TRDMT1: variants seen among roughly 807,000 people sequenced by gnomAD.
TRDMT1 encodes tRNA (cytosine(38)-C(5))-methyltransferase.
In TRDMT1, 49 loss-of-function variants were observed where a neutral mutation model predicts 51.2. That is an observed-to-expected ratio of 0.96 (90% CI 0.76 to 1.21). The LOEUF is 1.21. Among genes scored for constraint, TRDMT1 ranks in the 50% most tolerant of loss-of-function variants. TRDMT1 has a pLI of 0.00. For missense variants in TRDMT1, 534 were observed against 462.3 expected, an observed-to-expected ratio of 1.16 and a Z score of -1.42; for synonymous variants, 187 against 164.6, an observed-to-expected ratio of 1.14 and a Z score of -1.04.
chr10:17,159,550 TA>T (rs1428777340), intron 6 of TRDMT1, among the ~76,000 whole-genome samples: 1 of 152,158 alleles, frequency 6.6e-6, no homozygotes, highest in Non-Finnish European at 1.5e-5. Context: ...ATTAATAATT[TA>T]AAAATTCAAA....
chr10:17,193,580 T>C (rs765890282), intron 1 of TRDMT1, among the ~76,000 whole-genome samples: 3 of 151,958 alleles, frequency 2.0e-5, no homozygotes, highest in Non-Finnish European at 4.4e-5. Context: ...CATATAAAAA[T>C]ACCTAGGAAT....
In TRDMT1 at chr10:17,145,373, GAT is replaced by G. The variant is rs1838019485; in HGVS notation, c.*3665_*3666del. On this transcript the variant is annotated 3_prime_UTR_variant, in exon 11 of 11. Coordinates refer to ENST00000377799, the MANE Select transcript of TRDMT1 (RefSeq NM_004412.7). ...CCAGAAAAGTGCTTGCTAAGAAGCT[GAT>G]ATGATAGTTGTATATAGCACATTTG... is the stretch of plus-strand genomic sequence containing the variant. 1 of 985,348 alleles carries G rather than the reference GAT, an allele frequency of 1.0e-6. No individual in the cohort carries two copies. The allele number at this position is 985,348 out of a possible 1,614,324, so 61.0% of individuals were successfully genotyped here.
chr10:17,150,464 A>G, intron 10 of TRDMT1: 2 of 985,372 alleles, frequency 2.0e-6, no homozygotes, highest in Non-Finnish European at 1.2e-6. Context: ...TCTTAAAACA[A>G]AAAGGCCCAT....
chr10:17,196,984 A>C (rs767703465), intron 1 of TRDMT1, among the ~76,000 whole-genome samples: 11 of 152,048 alleles, frequency 7.2e-5, no homozygotes, highest in African/African-American at 1.4e-4. Context: ...AGAACCCAGC[A>C]CTGTTGGTGT....
chr10:17,152,132 AAGC>A, intron 10 of TRDMT1: 8 of 1,260,544 alleles, frequency 6.3e-6, no homozygotes, highest in Non-Finnish European at 8.3e-6. Context: ...GTAGCTAGGA[AAGC>A]AGACTAGGAA....
intron 8 of TRDMT1, among the ~76,000 whole-genome samples, chr10:17,155,818 T>C (rs1839417989): frequency 6.6e-6 from 1 of 152,236 alleles, no homozygotes; most frequent in South Asian, 2.1e-4. Context: ...CACATATAAA[T>C]ACGTGTGTAT....
Position 17,143,872 on chromosome 10 carries a change from C to G in TRDMT1, c.*5168G>C, listed in dbSNP as rs1837884145. On this transcript the variant is annotated 3_prime_UTR_variant, in exon 11 of 11. Coordinates refer to ENST00000377799, the MANE Select transcript of TRDMT1 (RefSeq NM_004412.7). ...ATAAATATTAAAGTCAAGAGTGGAA[C>G]TGACTATAGAATGGAGTGTGCTTAG... 4.1e-6 allele frequency: 4 copies of G among 985,170 alleles called. No individual in the cohort carries two copies. Among genetic ancestry groups the G allele is most frequent in the African/African-American group, 1.7e-5 (1 of 57,196 alleles). 61.0% of individuals were successfully genotyped at this position (985,170 alleles called of 1,614,324 possible).
chr10:17,174,811 G>C (rs1842441282), intron 1 of TRDMT1, 151 bp from the exon 2 acceptor site: 1 of 627,266 alleles, frequency 1.6e-6, no homozygotes, highest in Non-Finnish European at 2.8e-6. Context: ...GCCAGGGGAA[G>C]CCAGGCATGA....
rs904272535 is a variant in TRDMT1, at chr10:17,143,543, G to C, written c.*5497C>G. 1.0e-6 allele frequency: 1 copy of C among 985,216 alleles called. No individual in the cohort carries two copies. Among genetic ancestry groups the C allele is most frequent in the East Asian group, 1.1e-4 (1 of 8,824 alleles). The allele number at this position is 985,216 out of a possible 1,614,324, so 61.0% of individuals were successfully genotyped here. A position where few individuals can be genotyped will look rare whatever the true frequency, so the allele number is the denominator to read the frequency against. On this transcript the variant is annotated 3_prime_UTR_variant, in exon 11 of 11. Transcript: ENST00000377799. ...CTTGTGTAAGGAACCAGCTAAGTGA[G>C]TAAAATAGCAAATATTTTAGTAAAA...
intron 1 of TRDMT1, among the ~76,000 whole-genome samples, chr10:17,179,881 T>C (rs571633607): frequency 6.8e-4 from 103 of 152,202 alleles, no homozygotes; most frequent in Non-Finnish European, 1.2e-3. Context: ...ATCGGAGGTA[T>C]TGGGGAAAGG....
chr10:17,166,140 G>C (rs576013065), intron 3 of TRDMT1, among the ~76,000 whole-genome samples: 1 of 152,216 alleles, frequency 6.6e-6, no homozygotes, highest in East Asian at 1.9e-4. Flanking sequence ...AACAATGATA[G>C]ACTAGATTAA....
rs1370444192 is a variant in TRDMT1 at position 17,140,459 on chromosome 10, A to G, written c.*8581T>C. Among the ~76,000 whole-genome samples the G allele has an allele frequency of 2.6e-5, 4 of 152,134 alleles. No individual in the cohort carries two copies. Among genetic ancestry groups the G allele is most frequent in the Non-Finnish European group, 5.9e-5 (4 of 68,026 alleles). On this transcript the variant is annotated 3_prime_UTR_variant, in exon 11 of 11. Coordinates refer to ENST00000377799, the MANE Select transcript of TRDMT1 (RefSeq NM_004412.7). ...AGCATACTCATATCTAAGTCAGTTA[A>G]TTGGACAATTATTTATTAGGTACCC...
chr10:17,147,362 T>G lies in TRDMT1; in HGVS notation c.*1678A>C. 1 of 984,750 alleles carries G rather than the reference T, an allele frequency of 1.0e-6. No homozygotes were observed. The highest frequency in any genetic ancestry group is 1.1e-4 in the East Asian group (1 of 8,804). 61.0% of individuals were successfully genotyped at this position (984,750 alleles called of 1,614,324 possible). On this transcript the variant is annotated 3_prime_UTR_variant, in exon 11 of 11. Transcript: ENST00000377799. ...TATTTATCTATGAGTTCTGAAAAAT[T>G]GGTAATAGAGTATGATTTTTTCAAT... is the stretch of plus-strand genomic sequence containing the variant.
chr10:17,159,934 C>G (rs983492706), intron 6 of TRDMT1, among the ~76,000 whole-genome samples: 1 of 152,058 alleles, frequency 6.6e-6, no homozygotes, highest in South Asian at 2.1e-4. Context: ...TAGAAAGTTA[C>G]TACATGTTTA....
chr10:17,168,336 A>T (rs1482087596), intron 3 of TRDMT1, among the ~76,000 whole-genome samples: 1 of 152,176 alleles, frequency 6.6e-6, no homozygotes, highest in Non-Finnish European at 1.5e-5. Flanking sequence ...AAATAAATAC[A>T]TACATAAGTA....
At position 17,157,429 on chromosome 10, in the gene TRDMT1, T is replaced by G; in HGVS notation, c.887+12A>C. On this transcript the variant is annotated intron_variant, in intron 8 of 10. Coordinates refer to ENST00000377799, the MANE Select transcript of TRDMT1 (RefSeq NM_004412.7). ...ATTTTGGATACAGGATCAATAGATC[T>G]TTAAAACCTACCCTTTGGTAAAGCA... 1.3e-6 allele frequency: 2 copies of G among 1,580,010 alleles called. No individual in the cohort carries two copies. The highest frequency in any genetic ancestry group is 1.7e-6 in the Non-Finnish European group (2 of 1,160,446).
chr10:17,141,519 C>A lies in TRDMT1; in HGVS notation c.*7521G>T. ...TGTTTCCAGCCATTATTTAAATGCT[C>A]TTTCAGCTCCATTTTTTTCCCCTCT... is the stretch of plus-strand genomic sequence containing the variant. On this transcript the variant is annotated 3_prime_UTR_variant, in exon 11 of 11. Transcript: ENST00000377799. Among the ~76,000 whole-genome samples, 1 of 141,968 alleles carries A rather than the reference C, an allele frequency of 7.0e-6. No individual in the cohort carries two copies. Among genetic ancestry groups the A allele is most frequent in the East Asian group, 2.0e-4 (1 of 4,994 alleles). 93.1% of individuals were successfully genotyped at this position (141,968 alleles called of 152,430 possible).
chr10:17,185,194 A>G (rs140284878), intron 1 of TRDMT1, among the ~76,000 whole-genome samples: 164 of 152,320 alleles, frequency 1.1e-3, no homozygotes, highest in African/African-American at 3.7e-3. Flanking sequence ...ATTATTATTG[A>G]AAGTGCAAAG....
rs986541212 is a variant in TRDMT1 at position 17,145,445 on chromosome 10, C to T, written c.*3595G>A. ...TAACTAGTAGACAGAGGTCCAAAGG[C>T]CATGTCTTTAAAAATTATATAATCT... On this transcript the variant is annotated 3_prime_UTR_variant, in exon 11 of 11. Transcript: ENST00000377799. 2 of 985,320 alleles carry T rather than the reference C, an allele frequency of 2.0e-6. No homozygotes were observed. Among genetic ancestry groups the T allele is most frequent in the East Asian group, 1.1e-4 (1 of 8,804 alleles). The allele number at this position is 985,320 out of a possible 1,614,324, so 61.0% of individuals were successfully genotyped here.
Sources: allele counts gnomAD v4.1 joint callset (sites outside exome capture counted in the v4.1 genomes callset), GRCh38; gene constraint gnomAD v4.1.1; transcripts MANE v1.5; gene names NCBI Gene and HGNC (gene_info 2026-07-23, HGNC 2026-07-21).